XKR5: variants seen among roughly 807,000 people sequenced by gnomAD.
The protein encoded by XKR5 is XK-related protein 5.
XKR5 carries 46 observed loss-of-function variants against 40.8 expected under a neutral mutation model. The observed-to-expected ratio is 1.13, with a 90% CI of 0.89 to 1.44. The LOEUF (loss-of-function observed/expected upper bound fraction) is 1.44. Among genes scored for constraint, XKR5 ranks in the 40% most tolerant of loss-of-function variants. The pLI is 0.00. For synonymous variants in XKR5, 466 were observed against 356.1 expected (o/e 1.31, Z -3.48); for missense variants, 1,169 against 844.7 (o/e 1.38, Z -4.76).
chr8:6,812,706 T>C (rs185751755), intron 6 of XKR5, among the ~76,000 whole-genome samples: 24 of 152,334 alleles, frequency 1.6e-4, no homozygotes, highest in African/African-American at 5.5e-4. Flanking sequence ...ATAAGCATTC[T>C]ACTTTCAAGT....
At chr8:6,831,840 C>G (rs192925558) in intron 2 of XKR5, among the ~76,000 whole-genome samples, 331 of 152,062 alleles carry the variant, frequency 2.2e-3, no homozygotes, top group African/African-American at 7.3e-3. Flanking sequence ...CCAGTGAAAC[C>G]CTGTTTCGAC....
At chr8:6,831,299 T>A (rs1002547294) in intron 2 of XKR5, among the ~76,000 whole-genome samples, 15 of 152,208 alleles carry the variant, frequency 9.9e-5, no homozygotes, top group Admixed American at 2.6e-4. Context: ...GGAAGGGCCC[T>A]GTCTTTTCAG....
intron 6 of XKR5, among the ~76,000 whole-genome samples, chr8:6,814,740 T>A (rs1179545745): frequency 6.6e-6 from 1 of 152,178 alleles, no homozygotes; most frequent in African/African-American, 2.4e-5. Flanking sequence ...ACCCGTGACG[T>A]CTCATGAAGA....
At chr8:6,816,622 T>C (rs952663606) in intron 5 of XKR5, among the ~76,000 whole-genome samples, 3 of 149,968 alleles carry the variant, frequency 2.0e-5, no homozygotes, top group Non-Finnish European at 4.4e-5. Context: ...ATTTAAATAC[T>C]GTGTGTTTTA....
At chr8:6,834,267 G>A (rs1026530924) in intron 1 of XKR5, among the ~76,000 whole-genome samples, 9 of 152,218 alleles carry the variant, frequency 5.9e-5, no homozygotes, top group Admixed American at 5.2e-4. Flanking sequence ...ACAAGCCGCG[G>A]ATTTTAGGGA....
At chr8:6,820,275 G>A (rs918593482) in intron 5 of XKR5, among the ~76,000 whole-genome samples, 2 of 151,852 alleles carry the variant, frequency 1.3e-5, no homozygotes, top group Non-Finnish European at 2.9e-5. Context: ...TGCCACTGTG[G>A]TAGATCTCAC....
At position 6,809,957 on chromosome 8, in the gene XKR5, A is replaced by C. The variant is rs954942857; in HGVS notation, c.*1241T>G. 6.6e-6 allele frequency: 1 copy of C among 152,148 alleles called. No homozygotes were observed. The highest frequency in any genetic ancestry group is 2.4e-5 in the African/African-American group (1 of 41,418). 9.4% of individuals were successfully genotyped at this position (152,148 alleles called of 1,614,324 possible). A position where few individuals can be genotyped will look rare whatever the true frequency, so the allele number is the denominator to read the frequency against. On this transcript the variant is annotated 3_prime_UTR_variant, in exon 7 of 7. Coordinates refer to ENST00000618742, the MANE Select transcript of XKR5 (RefSeq NM_207411.5). The stretch of plus-strand genomic sequence containing the variant: ...AAGAACCTGTCTCTACAAAAAATAC[A>C]AAAAAGTAGCCAGGCATGGTGCCCA...
chr8:6,833,433 G>T (rs1804862554), intron 1 of XKR5, among the ~76,000 whole-genome samples: 2 of 152,166 alleles, frequency 1.3e-5, no homozygotes, highest in African/African-American at 4.8e-5. Context: ...TCTCTCCTGT[G>T]TCTCATCTTG....
rs752669020 is a variant in XKR5, at chr8:6,815,878, G to C, written c.848C>G (p.Thr283Ser). 4.4e-6 allele frequency: 7 copies of C among 1,604,634 alleles called. No individual in the cohort carries two copies. In the East Asian group the frequency reaches 1.1e-4, roughly 26 times the overall value. The change falls in exon 6 of 7, where the codon ACC becomes AGC. Residue 283 changes from threonine to serine, a missense_variant. Transcript: ENST00000618742. ...CCACGATGCCCCCTGGAGAAAGTCGGTGGCCAACAGCAACAGGATGATGTT... is the reference window on the plus strand; with the variant it reads ...CCACGATGCCCCCTGGAGAAAGTCGCTGGCCAACAGCAACAGGATGATGTT... ...LENIILLLLA[T>S]DFLQGASWTS...
At chr8:6,813,347 C>T (rs771813186) in intron 6 of XKR5, among the ~76,000 whole-genome samples, 18 of 152,208 alleles carry the variant, frequency 1.2e-4, no homozygotes, top group Non-Finnish European at 2.4e-4. Flanking sequence ...TGTCACCCTT[C>T]TTTTACAAGC....
At chr8:6,834,406 T>A (rs1211610300) in intron 1 of XKR5, among the ~76,000 whole-genome samples, 1 of 152,194 alleles carries the variant, frequency 6.6e-6, no homozygotes, top group African/African-American at 2.4e-5. Context: ...TGCGGCAGCC[T>A]CCCTTGCACG....
intron 3 of XKR5, 76 bp from the exon 4 acceptor site, chr8:6,823,806 G>GC: frequency 7.8e-7 from 1 of 1,288,630 alleles, no homozygotes; most frequent in Non-Finnish European, 1.1e-6. Context: ...TTCACTCATG[G>GC]CATTTCTTTA....
intron 1 of XKR5, among the ~76,000 whole-genome samples, chr8:6,834,710 C>A (rs1388510214): frequency 6.8e-6 from 1 of 146,072 alleles, no homozygotes; most frequent in Non-Finnish European, 1.5e-5. Context: ...AAAAAGCTTC[C>A]GCAGGGAGCC....
At position 6,811,245 on chromosome 8, in the gene XKR5, A is replaced by G. The variant is rs1197505298; in HGVS notation, c.2014T>C (p.Cys672Arg). The change falls in exon 7 of 7, where the codon TGC (cysteine) becomes CGC (arginine). Residue 672 changes from cysteine (C) to arginine (R), a missense_variant. Transcript: ENST00000618742. ...TGCTTCATCTGTTCCCTGCAGCTGC[A>G]GTCCGTTTGGATAGACTCAGACTTA... ...TPKSESIQTD[C>R]SCREQMKQEP... 1 of 1,537,316 alleles carries G rather than the reference A, an allele frequency of 6.5e-7. No individual in the cohort carries two copies. Among genetic ancestry groups the G allele is most frequent in the African/African-American group, 1.4e-5 (1 of 73,168 alleles).
chr8:6,816,048 A>G (rs1803944678), intron 5 of XKR5, 130 bp from the exon 6 acceptor site: 1 of 638,492 alleles, frequency 1.6e-6, no homozygotes, highest in South Asian at 1.9e-5. Context: ...CAGGCTGCTG[A>G]GGAGTACCCA....
In XKR5 at chr8:6,811,411, G is replaced by T. The variant is rs369248429; in HGVS notation, c.1848C>A (p.Phe616Leu). The part of the protein sequence containing the change: ...PCRGFCPSAG[F>L]PGRTLSISEL... ...CTGAGATACTGAGGGTTCTTCCAGG[G>T]AAGCCTGCACTGGGGCAGAAGCCTC... The change falls in exon 7 of 7, where the codon TTC (phenylalanine) becomes TTA (leucine). Residue 616 changes from phenylalanine to leucine, a missense_variant. Physicochemically the swap from Phe to Leu is conservative, Grantham distance 22. Transcript: ENST00000618742. The T allele has an allele frequency of 4.6e-6, 7 of 1,537,118 alleles. No homozygotes were observed. The highest frequency in any genetic ancestry group is 1.4e-5 in the African/African-American group (1 of 73,048).
In XKR5 at chr8:6,829,861, G is replaced by A. The variant is rs533321942; in HGVS notation, c.242+2856C>T. Among the ~76,000 whole-genome samples, 44 of 121,196 alleles carry A rather than the reference G, an allele frequency of 3.6e-4. 2 individuals are homozygous for A. The South Asian group carries it at 0.01, about 28-fold the overall frequency. 79.5% of individuals were successfully genotyped at this position (121,196 alleles called of 152,430 possible). ...TTTTTTTTTTTTTTTTTTTTGAGAC[G>A]GAGTCTCGCTCTGTCACCCAAGCTG... On this transcript the variant is annotated intron_variant, in intron 2 of 6. Transcript: ENST00000618742.
chr8:6,820,121 G>T (rs1048553757), intron 5 of XKR5, among the ~76,000 whole-genome samples: 9 of 152,236 alleles, frequency 5.9e-5, no homozygotes, highest in African/African-American at 1.9e-4. Flanking sequence ...AGAACCGAAG[G>T]ATCCTGGTAT....
rs531483116 is a variant in XKR5, at chr8:6,835,461, C to T, written c.33G>A (p.Leu11=). MHARLLGLSA[L]LQAAEQSARL... is the part of the protein sequence containing the mutation. ...GCGCGCTCTGCTCGGCCGCCTGCAG[C>T]AGGGCCGAGAGCCCCAGGAGCCTCG... The change falls in exon 1 of 7, where the codon CTG becomes CTA. Residue 11 remains leucine (L), a synonymous_variant. Transcript: ENST00000618742. 1.6e-5 allele frequency: 24 copies of T among 1,501,074 alleles called. No individual in the cohort carries two copies. The highest frequency in any genetic ancestry group is 2.1e-5 in the Non-Finnish European group (24 of 1,132,570). The allele number at this position is 1,501,074 out of a possible 1,614,324, so 93.0% of individuals were successfully genotyped here.
Sources: gnomAD v4.1 joint callset for allele counts (sites outside exome capture counted in the v4.1 genomes callset) on GRCh38, gnomAD v4.1.1 for gene constraint, MANE v1.5 for transcripts, NCBI Gene and HGNC (gene_info 2026-07-23, HGNC 2026-07-21) for gene names.